The following CNTN6 variants were observed in gnomAD, a reference collection of about 807,000 sequenced individuals.
The protein encoded by CNTN6 is contactin 6.
A neutral mutation model predicts 122.8 loss-of-function variants in CNTN6; 137 were observed. That is an observed-to-expected ratio of 1.12 (90% CI 0.97 to 1.29). CNTN6 has a LOEUF of 1.29. Among genes scored for constraint, CNTN6 ranks in the 50% most tolerant of loss-of-function variants. CNTN6 has a pLI of 0.00. For missense variants in CNTN6, 1,634 were observed against 1,223.4 expected, an observed-to-expected ratio of 1.34 and a Z score of -5.01; for synonymous variants, 570 against 426.0, an observed-to-expected ratio of 1.34 and a Z score of -4.16.
chr3:1,358,398 C>T (rs1184602760), intron 12 of CNTN6, among the ~76,000 whole-genome samples: 1 of 151,052 alleles, frequency 6.6e-6, no homozygotes, highest in African/African-American at 2.4e-5. Flanking sequence ...AATTAGGCTA[C>T]TCTTCTTCTT....
At chr3:1,295,151 T>G (rs575486590) in intron 5 of CNTN6, among the ~76,000 whole-genome samples, 21 of 152,306 alleles carry the variant, frequency 1.4e-4, no homozygotes, top group African/African-American at 5.1e-4. Context: ...GTGGTAGACT[T>G]CTTGAACTGA....
intron 2 of CNTN6, among the ~76,000 whole-genome samples, chr3:1,158,877 C>CACACACATATATATATACAT: frequency 9.0e-6 from 1 of 110,574 alleles, no homozygotes; most frequent in African/African-American, 4.5e-5. Context: ...CATATATATA[C>CACACACATATATATATACAT]ACATATATAC....
intron 7 of CNTN6, among the ~76,000 whole-genome samples, chr3:1,302,938 T>A (rs1185149952): frequency 1.4e-5 from 1 of 73,178 alleles, no homozygotes; most frequent in Non-Finnish European, 3.5e-5. Flanking sequence ...TTAATCTTTT[T>A]AAAATTTTTA....
At chr3:1,295,897 T>G (rs897551850) in intron 6 of CNTN6, 93 bp downstream of exon 6, 3 of 1,127,732 alleles carry the variant, frequency 2.7e-6, no homozygotes, top group Non-Finnish European at 3.8e-6. Context: ...TCTTGTTTGG[T>G]GGAGCCAAAT....
At chr3:1,238,642 C>G (rs897253781) in intron 4 of CNTN6, among the ~76,000 whole-genome samples, 1 of 152,154 alleles carries the variant, frequency 6.6e-6, no homozygotes, top group African/African-American at 2.4e-5. Flanking sequence ...AATACACATT[C>G]TATTCATCAG....
At chr3:1,246,336 C>G (rs2094583260) in intron 4 of CNTN6, among the ~76,000 whole-genome samples, 1 of 152,042 alleles carries the variant, frequency 6.6e-6, no homozygotes. Flanking sequence ...TATTAGCCAA[C>G]TATGTTTCTG....
intron 11 of CNTN6, among the ~76,000 whole-genome samples, chr3:1,343,701 C>T (rs1333112611): frequency 1.3e-5 from 2 of 151,754 alleles, no homozygotes; most frequent in Non-Finnish European, 2.9e-5. Context: ...CCATTATGCT[C>T]TAGGCTCTCT....
chr3:1,203,795 G>T (rs895624608), intron 2 of CNTN6, among the ~76,000 whole-genome samples: 12 of 152,130 alleles, frequency 7.9e-5, no homozygotes. Context: ...GTCATGCACT[G>T]CATAATAACA....
Position 1,288,101 on chromosome 3 carries a change from G to A in CNTN6, c.455-7500G>A, listed in dbSNP as rs139844862. On this transcript the variant is annotated intron_variant, in intron 5 of 22. Transcript: ENST00000446702. ...TTTGCCTTGAGACAGCTGTGTTTTC[G>A]TTCCTTCTCCAAGTAGGTTTGGCCA... Among the ~76,000 whole-genome samples, 196 of 152,190 alleles carry A rather than the reference G, an allele frequency of 1.3e-3. 1 individual carries two copies. Among genetic ancestry groups the A allele is most frequent in the African/African-American group, 4.3e-3 (180 of 41,522 alleles).
chr3:1,112,697 A>C (rs2091536397), intron 1 of CNTN6, among the ~76,000 whole-genome samples: 1 of 152,128 alleles, frequency 6.6e-6, no homozygotes, highest in African/African-American at 2.4e-5. Context: ...GCCCAAAAAT[A>C]ATGCTTCACT....
chr3:1,096,553 T>G (rs2090537792), intron 1 of CNTN6, among the ~76,000 whole-genome samples: 1 of 152,184 alleles, frequency 6.6e-6, no homozygotes, highest in South Asian at 2.1e-4. Flanking sequence ...TTGGTTATCT[T>G]CTTTATTTGA....
At chr3:1,245,948 T>C (rs934837675) in intron 4 of CNTN6, among the ~76,000 whole-genome samples, 1 of 152,082 alleles carries the variant, frequency 6.6e-6, no homozygotes, top group Non-Finnish European at 1.5e-5. Flanking sequence ...TCATAACGTT[T>C]TAAGAAAATG....
Position 1,397,829 on chromosome 3 carries a change from A to G in CNTN6, c.2705-3604A>G, listed in dbSNP as rs1332569144. Among the ~76,000 whole-genome samples, 7 of 152,124 alleles carry G rather than the reference A, an allele frequency of 4.6e-5. No individual in the cohort carries two copies. The East Asian group carries it at 5.8e-4, about 13-fold the overall frequency. ...GCATTAAGCTTTTATTTTATCTTGCACTTATGTTCTTTCTCTTCTGCCCAA... is the reference window on the plus strand; with the variant it reads ...GCATTAAGCTTTTATTTTATCTTGCGCTTATGTTCTTTCTCTTCTGCCCAA... On this transcript the variant is annotated intron_variant, in intron 20 of 22. Coordinates refer to ENST00000446702, the MANE Select transcript of CNTN6 (RefSeq NM_001289080.2).
At chr3:1,202,481 C>T (rs1315388147) in intron 2 of CNTN6, among the ~76,000 whole-genome samples, 1 of 151,894 alleles carries the variant, frequency 6.6e-6, no homozygotes, top group East Asian at 1.9e-4. Flanking sequence ...GCGGAGCTTG[C>T]AGTGAGCCAA....
Position 1,309,630 on chromosome 3 carries a change from C to T in CNTN6, c.761+11639C>T, listed in dbSNP as rs566116450. ...GTTTTGTTTTGCTTTCCTTGTCTTT[C>T]CATACAAACTTAGAATCATTTTGTC... On this transcript the variant is annotated intron_variant, in intron 7 of 22. Transcript: ENST00000446702. Among the ~76,000 whole-genome samples the T allele has an allele frequency of 5.3e-5, 8 of 152,218 alleles. No individual in the cohort carries two copies. The South Asian group carries it at 1.7e-3, about 32-fold the overall frequency.
intron 2 of CNTN6, among the ~76,000 whole-genome samples, chr3:1,148,760 A>C (rs185524310): frequency 6.6e-6 from 1 of 152,174 alleles, no homozygotes; most frequent in East Asian, 1.9e-4. Flanking sequence ...GATGGGCTCA[A>C]ATGGGTCTTC....
chr3:1,323,173 T>C (rs1701096923), intron 8 of CNTN6, among the ~76,000 whole-genome samples: 1 of 151,792 alleles, frequency 6.6e-6, no homozygotes, highest in Admixed American at 6.6e-5. Context: ...CTTATAGAAT[T>C]CTTAATCTTA....
chr3:1,218,740 C>T (rs538563772), intron 2 of CNTN6, among the ~76,000 whole-genome samples: 1 of 152,196 alleles, frequency 6.6e-6, no homozygotes, highest in East Asian at 1.9e-4. Context: ...AATCTACGCA[C>T]ACACACAAAT....
chr3:1,281,329 A>C (rs1452484461), intron 5 of CNTN6, among the ~76,000 whole-genome samples: 2 of 152,206 alleles, frequency 1.3e-5, no homozygotes, highest in Non-Finnish European at 2.9e-5. Context: ...GGGCAGACGG[A>C]GTTAACAGAG....
Sources: allele counts gnomAD v4.1 joint callset (sites outside exome capture counted in the v4.1 genomes callset), GRCh38; gene constraint gnomAD v4.1.1; transcripts MANE v1.5; gene names NCBI Gene and HGNC (gene_info 2026-07-23, HGNC 2026-07-21).